Variants in SORCS1 observed in about 807,000 individuals in gnomAD.
SORCS1 encodes sortilin related VPS10 domain containing receptor 1.
SORCS1 carries 60 observed loss-of-function variants against 146.1 expected under a neutral mutation model. The ratio of observed to expected loss-of-function variants is 0.41; its 90% CI spans 0.33 to 0.51. SORCS1 has a LOEUF of 0.51. Ranked by LOEUF, SORCS1 falls within the 20% of genes least tolerant of loss-of-function variation. SORCS1 has a pLI of 0.21. For synonymous variants in SORCS1, 637 were observed against 584.0 expected (o/e 1.09, Z -1.31); for missense variants, 1,352 against 1,487.6 (o/e 0.91, Z 1.50).
chr10:107,079,166 C>T (rs112004775), intron 1 of SORCS1, among the ~76,000 whole-genome samples: 9,101 of 150,648 alleles, frequency 0.06, 833 homozygotes, highest in African/African-American at 0.21. Context: ...GTGGAGCTTG[C>T]AGTGAGCTGA....
intron 2 of SORCS1, among the ~76,000 whole-genome samples, chr10:106,879,381 C>G (rs1262718045): frequency 6.6e-6 from 1 of 152,160 alleles, no homozygotes; most frequent in Non-Finnish European, 1.5e-5. Flanking sequence ...ATATTACACT[C>G]TTTTTATCTC....
chr10:106,924,887 ATGTTTTCATTC>A (rs1821762752), intron 2 of SORCS1, among the ~76,000 whole-genome samples: 1 of 151,926 alleles, frequency 6.6e-6, no homozygotes, highest in African/African-American at 2.4e-5. Context: ...TCAGGTTTAT[ATGTTTTCATTC>A]TGTTTTCAAC....
chr10:107,113,322 A>G (rs1260637742), intron 1 of SORCS1, among the ~76,000 whole-genome samples: 2 of 152,192 alleles, frequency 1.3e-5, no homozygotes, highest in Non-Finnish European at 2.9e-5. Flanking sequence ...AATAAAATAC[A>G]ACATACCAAA....
intron 3 of SORCS1, among the ~76,000 whole-genome samples, chr10:106,816,754 AAAT>A (rs1947760346): frequency 6.6e-6 from 1 of 152,176 alleles, no homozygotes; most frequent in South Asian, 2.1e-4. Flanking sequence ...TGTTTGAAAA[AAAT>A]AATAATAATA....
chr10:106,746,447 G>T (rs548046263), intron 5 of SORCS1, among the ~76,000 whole-genome samples: 1 of 152,286 alleles, frequency 6.6e-6, no homozygotes. Context: ...AAAGAGGAAA[G>T]TAATCTATTC....
intron 1 of SORCS1, among the ~76,000 whole-genome samples, chr10:106,987,386 C>T (rs1017387997): frequency 4.6e-5 from 7 of 152,210 alleles, no homozygotes; most frequent in Non-Finnish European, 7.3e-5. Flanking sequence ...GTAGTTTCTA[C>T]CTGCTCCTTA....
chr10:106,946,307 C>A (rs1209415342), intron 2 of SORCS1, among the ~76,000 whole-genome samples: 2 of 152,140 alleles, frequency 1.3e-5, no homozygotes, highest in Non-Finnish European at 2.9e-5. Flanking sequence ...CTTTGGATTT[C>A]CAGGTTAGTA....
intron 18 of SORCS1, among the ~76,000 whole-genome samples, chr10:106,650,634 G>A (rs1329702384): frequency 2.0e-5 from 3 of 152,092 alleles, no homozygotes; most frequent in Non-Finnish European, 4.4e-5. Flanking sequence ...CCCAAGCCTT[G>A]TGAGTTTATT....
At chr10:106,859,929 G>A (rs963155400) in intron 2 of SORCS1, among the ~76,000 whole-genome samples, 1 of 152,196 alleles carries the variant, frequency 6.6e-6, no homozygotes, top group African/African-American at 2.4e-5. Flanking sequence ...AATCCAGAAG[G>A]TGCTCAGTGT....
chr10:107,148,777 G>A (rs1249969594), intron 1 of SORCS1, among the ~76,000 whole-genome samples: 4 of 152,140 alleles, frequency 2.6e-5, no homozygotes, highest in Non-Finnish European at 5.9e-5. Context: ...GAACATCAAG[G>A]AGACTTTCAT....
chr10:106,645,690 CTAATTA>C lies in SORCS1; in HGVS notation c.2475+6686_2475+6691del, dbSNP rs370417448. Reference sequence around the variant, plus strand: ...GTTTGTAGAATTTATTTATACTCTTCTAATTATGATTCCCTCATTAAAATTATGTTT... The same window carrying C: ...GTTTGTAGAATTTATTTATACTCTTCTGATTCCCTCATTAAAATTATGTTT... On this transcript the variant is annotated intron_variant, in intron 18 of 25. Transcript: ENST00000263054. 6.1e-3 allele frequency among the ~76,000 whole-genome samples: 927 copies of C among 151,932 alleles called. 10 individuals carry two copies. Among genetic ancestry groups the C allele is most frequent in the African/African-American group, 0.021 (884 of 41,428 alleles).
At chr10:106,737,213 A>C (rs1033317542) in intron 5 of SORCS1, among the ~76,000 whole-genome samples, 1 of 152,188 alleles carries the variant, frequency 6.6e-6, no homozygotes, top group Non-Finnish European at 1.5e-5. Flanking sequence ...TTTAAACAAC[A>C]ATGTTTAGAA....
intron 1 of SORCS1, among the ~76,000 whole-genome samples, chr10:107,022,256 C>T (rs183734284): frequency 3.3e-5 from 5 of 152,162 alleles, no homozygotes; most frequent in South Asian, 2.1e-4. Flanking sequence ...TGGTGAAGGC[C>T]GGGTTAATTA....
chr10:106,582,028 T>G (rs1844948456), intron 24 of SORCS1, among the ~76,000 whole-genome samples: 1 of 152,070 alleles, frequency 6.6e-6, no homozygotes, highest in Admixed American at 6.6e-5. Flanking sequence ...TGAGCTTGCT[T>G]GAAAAGGTTG....
chr10:106,676,396 A>G (rs1323361537), intron 13 of SORCS1, among the ~76,000 whole-genome samples: 1 of 152,202 alleles, frequency 6.6e-6, no homozygotes, highest in Non-Finnish European at 1.5e-5. Context: ...ACTGTCATGC[A>G]CTGATCATCT....
chr10:106,734,829 G>A (rs746754553), intron 5 of SORCS1, among the ~76,000 whole-genome samples: 9 of 152,054 alleles, frequency 5.9e-5, no homozygotes, highest in Non-Finnish European at 1.2e-4. Flanking sequence ...TTCAAGAAAT[G>A]GGTGGGGGAA....
chr10:107,090,757 A>G (rs148255054), intron 1 of SORCS1, among the ~76,000 whole-genome samples: 6 of 152,306 alleles, frequency 3.9e-5, no homozygotes, highest in African/African-American at 1.2e-4. Context: ...CAAAGCCCTT[A>G]TTTTGATAAG....
At chr10:107,100,199 A>G in intron 1 of SORCS1, among the ~76,000 whole-genome samples, 1 of 152,058 alleles carries the variant, frequency 6.6e-6, no homozygotes, top group Non-Finnish European at 1.5e-5. Flanking sequence ...ATGAGAGCAC[A>G]TTTTGTAAAT....
chr10:106,658,675 C>T (rs752280924), intron 17 of SORCS1, among the ~76,000 whole-genome samples: 12 of 152,118 alleles, frequency 7.9e-5, no homozygotes, highest in Non-Finnish European at 1.6e-4. Context: ...AAATCCACCA[C>T]CTTAGTAATG....
Sources: allele counts gnomAD v4.1 joint callset (sites outside exome capture counted in the v4.1 genomes callset), GRCh38; gene constraint gnomAD v4.1.1; transcripts MANE v1.5; gene names NCBI Gene and HGNC (gene_info 2026-07-23, HGNC 2026-07-21).